Variants in JMJD6 observed in about 807,000 individuals in gnomAD.
The protein encoded by JMJD6 is jumonji domain containing 6, arginine demethylase and lysine hydroxylase.
In JMJD6, 17 loss-of-function variants were observed where a neutral mutation model predicts 45.8. The observed-to-expected ratio is 0.37, with a 90% confidence interval of 0.25 to 0.56. JMJD6 has a LOEUF of 0.56. Among genes scored for constraint, JMJD6 ranks in the 20% least tolerant of loss-of-function variants. The probability of loss-of-function intolerance (pLI) is 0.79; values close to 1 mark genes in which losing one functional copy is unlikely to be tolerated. For missense variants in JMJD6, 470 were observed against 517.5 expected, an observed-to-expected ratio of 0.91 and a Z score of 0.89; for synonymous variants, 221 against 196.3, an observed-to-expected ratio of 1.13 and a Z score of -1.05.
downstream of JMJD6, chr17:76,716,484 G>C: frequency 1.8e-6 from 1 of 559,822 alleles, no homozygotes; most frequent in Non-Finnish European, 3.2e-6. Flanking sequence ...TGAGCTGGCC[G>C]AGCTGTTAAA....
At chr17:76,717,110 TAAGA>T (rs1389797143), downstream of JMJD6, among the ~76,000 whole-genome samples, 7 of 152,110 alleles carry the variant, frequency 4.6e-5, no homozygotes, top group Non-Finnish European at 1.0e-4. Context: ...CCCATGCATT[TAAGA>T]AAGACTGAGC....
chr17:76,716,547 T>C (rs60257128), downstream of JMJD6: 6 of 753,268 alleles, frequency 8.0e-6, no homozygotes, highest in Non-Finnish European at 1.4e-5. Context: ...TGACCGAAGA[T>C]AGGAGCTTGG....
Position 76,725,695 on chromosome 17 carries a change from T to C in JMJD6, c.290A>G (p.Gln97Arg). The C allele has an allele frequency of 6.2e-7, 1 of 1,614,140 alleles. No homozygotes were observed. Among genetic ancestry groups the C allele is most frequent in the South Asian group, 1.1e-5 (1 of 91,088 alleles). ...LERLKRKYRN[Q>R]KFKCGEDNDG... ...GTTATCCTCACCACACTTGAACTTC[T>C]GGTTCCGATATTTCCTTTTTAGGCG... is the stretch of plus-strand genomic sequence containing the variant. The change falls in exon 2 of 6, where the codon CAG becomes CGG. Residue 97 changes from glutamine to arginine, a missense_variant. Transcript: ENST00000397625.
intron 5 of JMJD6, 36 bp downstream of exon 5, chr17:76,720,324 G>A (rs1231187178): frequency 5.6e-6 from 9 of 1,599,234 alleles, no homozygotes; most frequent in Non-Finnish European, 7.7e-6. Context: ...ATGAGCCTTG[G>A]AGGCTCCAGG....
At chr17:76,722,845 CAAAA>C (rs71158058) in intron 3 of JMJD6, among the ~76,000 whole-genome samples, 8 of 43,264 alleles carry the variant, frequency 1.8e-4, no homozygotes, top group African/African-American at 1.0e-3. Context: ...GACTTGGTCT[CAAAA>C]AAAAAAAAAA....
chr17:76,717,021 T>C (rs573714122), downstream of JMJD6, among the ~76,000 whole-genome samples: 57 of 152,304 alleles, frequency 3.7e-4, no homozygotes, highest in South Asian at 6.2e-4. Flanking sequence ...GTAAGTCACT[T>C]GAATTTCCCC....
At chr17:76,720,237 GAAC>G (rs1434906170) in intron 5 of JMJD6, 120 bp downstream of exon 5, 3 of 895,830 alleles carry the variant, frequency 3.3e-6, no homozygotes, top group African/African-American at 3.3e-5. Flanking sequence ...GTAACCCTTA[GAAC>G]AACGTGGAAA....
Position 76,726,425 on chromosome 17 carries a change from C to G in JMJD6, c.51G>C (p.Arg17=), listed in dbSNP as rs1158349991. ...KRIREAKRSA[R]PELKDSLDWT... ...AATCCAGCGAGTCCTTGAGCTCCGG[C>G]CGCGCACTCCGCTTGGCCTCGCGGA... The change falls in exon 1 of 6, where the codon CGG becomes CGC. Residue 17 remains arginine (R), a synonymous_variant. Transcript: ENST00000397625. 7 of 1,604,390 alleles carry G rather than the reference C, an allele frequency of 4.4e-6. No homozygotes were observed. The highest frequency in any genetic ancestry group is 1.7e-4 in the Middle Eastern group (1 of 6,028).
chr17:76,726,392 C>T lies in JMJD6; in HGVS notation c.84G>A (p.Arg28=). 6.2e-7 allele frequency: 1 copy of T among 1,605,398 alleles called. No homozygotes were observed. Among genetic ancestry groups the T allele is most frequent in the Non-Finnish European group, 8.5e-7 (1 of 1,176,804 alleles). Residue 28 remains arginine (R), a synonymous_variant, in exon 1 of 6, where the codon CGG becomes CGA. Coordinates refer to ENST00000397625, the MANE Select transcript of JMJD6 (RefSeq NM_015167.3). ...GCGAGAAGCTCTCGTAGTAGTTGTG[C>T]CGGGTCCAATCCAGCGAGTCCTTGA... ...PELKDSLDWT[R]HNYYESFSLS...
Position 76,726,436 on chromosome 17 carries a change from G to A in JMJD6, c.40C>T (p.Arg14Trp). ...KSKKRIREAKRSARPELKDSL... is the reference protein window; with the variant it reads ...KSKKRIREAKWSARPELKDSL... The stretch of plus-strand genomic sequence containing the variant: ...TCCTTGAGCTCCGGCCGCGCACTCC[G>A]CTTGGCCTCGCGGATGCGCTTCTTG... Residue 14 changes from arginine (R) to tryptophan (W), a missense_variant, in exon 1 of 6, where the codon CGG becomes TGG. Physicochemically the swap from Arg to Trp is moderately radical, Grantham distance 101. Coordinates refer to ENST00000397625, the MANE Select transcript of JMJD6 (RefSeq NM_015167.3). 6.2e-7 allele frequency: 1 copy of A among 1,603,576 alleles called. No homozygotes were observed. Among genetic ancestry groups the A allele is most frequent in the Non-Finnish European group, 8.5e-7 (1 of 1,176,042 alleles).
chr17:76,715,196 AAGC>A (rs903349845), downstream of JMJD6: 1 of 152,234 alleles, frequency 6.6e-6, no homozygotes, highest in African/African-American at 2.4e-5. Context: ...TCTTTTTAAA[AAGC>A]AGGAGTAGCA....
At chr17:76,718,361 G>A, downstream of JMJD6, 1 of 940,136 alleles carries the variant, frequency 1.1e-6, no homozygotes, top group Non-Finnish European at 1.4e-6. Context: ...AGGATGCACA[G>A]CAGGAGTCAC....
rs756563800 is a variant in JMJD6 at position 76,725,646 on chromosome 17, C to T, written c.339G>A (p.Lys113=). ...EDNDGYSVKM[K]MKYYIEYMES... ...CCATGTACTCGATGTAGTATTTCAT[C>T]TTCATCTTCACTGAGTAGCCATCGT... is the stretch of plus-strand genomic sequence containing the variant. The change falls in exon 2 of 6, where the codon AAG becomes AAA. Residue 113 remains lysine (K), a synonymous_variant. Transcript: ENST00000397625. 1.9e-6 allele frequency: 3 copies of T among 1,614,016 alleles called. No individual in the cohort carries two copies. The highest frequency in any genetic ancestry group is 1.7e-5 in the Admixed American group (1 of 59,998).
rs761391262 is a variant in JMJD6, at chr17:76,718,681, G to A, written c.*48C>T. The A allele has an allele frequency of 1.9e-6, 3 of 1,597,210 alleles. No individual in the cohort carries two copies. Among genetic ancestry groups the A allele is most frequent in the Non-Finnish European group, 2.6e-6 (3 of 1,171,394 alleles). ...GGACAGGCCACCCTCCCCAGGCCCTGCCCTTGCCGCGAGCGTGTCCTTCCA... is the reference window on the plus strand; with the variant it reads ...GGACAGGCCACCCTCCCCAGGCCCTACCCTTGCCGCGAGCGTGTCCTTCCA... On this transcript the variant is annotated 3_prime_UTR_variant, in exon 6 of 6. Transcript: ENST00000397625.
chr17:76,724,620 C>A (rs866666513), intron 2 of JMJD6, among the ~76,000 whole-genome samples: 3 of 151,592 alleles, frequency 2.0e-5, no homozygotes, highest in Non-Finnish European at 4.4e-5. Flanking sequence ...AGTTCAAGAC[C>A]AGCCTGACCA....
At chr17:76,722,655 G>A (rs2076838957) in intron 3 of JMJD6, among the ~76,000 whole-genome samples, 2 of 151,982 alleles carry the variant, frequency 1.3e-5, no homozygotes, top group Non-Finnish European at 2.9e-5. Flanking sequence ...AGACCAGCCT[G>A]GGCAACATGA....
chr17:76,722,949 ATT>A (rs111664445), intron 3 of JMJD6, among the ~76,000 whole-genome samples: 10 of 145,604 alleles, frequency 6.9e-5, no homozygotes, highest in Admixed American at 2.1e-4. Flanking sequence ...TTTACATACA[ATT>A]TTTTTTTTTT....
chr17:76,725,815 T>C lies in JMJD6; in HGVS notation c.170A>G (p.Glu57Gly). The C allele has an allele frequency of 6.2e-7, 1 of 1,613,462 alleles. No individual in the cohort carries two copies. Among genetic ancestry groups the C allele is most frequent in the South Asian group, 1.1e-5 (1 of 91,054 alleles). ...ERADALQLSV[E>G]EFVERYERPY... ...TCTTTCATACCGCTCCACAAATTCT[T>C]CCACAGACAGCTGTAAAGCATCTGC... Residue 57 changes from glutamate (E) to glycine (G), a missense_variant, in exon 2 of 6, where the codon GAA becomes GGA. Physicochemically the swap from Glu to Gly is moderately conservative, Grantham distance 98 (BLOSUM62 -2). Transcript: ENST00000397625.
intron 4 of JMJD6, among the ~76,000 whole-genome samples, chr17:76,720,795 G>C (rs969384414): frequency 3.9e-5 from 6 of 152,146 alleles, no homozygotes; most frequent in African/African-American, 1.4e-4. Context: ...CCTTAAGTTA[G>C]TCTTAGTTTT....
Sources: gnomAD v4.1 joint callset for allele counts (sites outside exome capture counted in the v4.1 genomes callset) on GRCh38, gnomAD v4.1.1 for gene constraint, MANE v1.5 for transcripts, NCBI Gene and HGNC (gene_info 2026-07-23, HGNC 2026-07-21) for gene names.